Variants in CACNA2D3 observed in about 807,000 individuals in gnomAD.
The protein encoded by CACNA2D3 is voltage-dependent calcium channel subunit alpha-2/delta-3.
A neutral mutation model predicts 160.6 loss-of-function variants in CACNA2D3; 60 were observed. That is an observed-to-expected ratio of 0.37 (90% confidence interval 0.30 to 0.46). The LOEUF (loss-of-function observed/expected upper bound fraction) is 0.46. Among genes scored for constraint, CACNA2D3 ranks in the 20% least tolerant of loss-of-function variants. CACNA2D3 has a pLI of 1.00. For synonymous variants in CACNA2D3, 558 were observed against 492.9 expected, an observed-to-expected ratio of 1.13 and a Z score of -1.75; for missense variants, 1,205 against 1,365.0, an observed-to-expected ratio of 0.88 and a Z score of 1.85.
chr3:54,914,020 G>T (rs1700611462), intron 27 of CACNA2D3, among the ~76,000 whole-genome samples: 1 of 152,164 alleles, frequency 6.6e-6, no homozygotes. Context: ...TAATGTCATA[G>T]TTTTGATATT....
chr3:54,405,042 C>T (rs1197834891), intron 4 of CACNA2D3, among the ~76,000 whole-genome samples: 2 of 151,676 alleles, frequency 1.3e-5, no homozygotes, highest in Non-Finnish European at 2.9e-5. Context: ...ATTTCATGCT[C>T]ATGAATTGGA....
chr3:54,583,440 C>A (rs939240816), intron 9 of CACNA2D3, among the ~76,000 whole-genome samples: 16 of 152,136 alleles, frequency 1.1e-4, no homozygotes, highest in Admixed American at 1.0e-3. Flanking sequence ...TATGGAGTAA[C>A]CATATTCCAA....
intron 4 of CACNA2D3, among the ~76,000 whole-genome samples, chr3:54,419,341 A>G (rs1406469590): frequency 1.3e-5 from 2 of 152,234 alleles, no homozygotes. Context: ...GACCTGGAAC[A>G]GTTTCCCTGT....
chr3:54,757,326 A>G (rs537662528), intron 12 of CACNA2D3, among the ~76,000 whole-genome samples: 2 of 152,284 alleles, frequency 1.3e-5, no homozygotes, highest in South Asian at 2.1e-4. Context: ...TCCATGGGCT[A>G]AAGGTCATTC....
chr3:54,552,129 T>C (rs1702168578), intron 5 of CACNA2D3, among the ~76,000 whole-genome samples: 1 of 152,140 alleles, frequency 6.6e-6, no homozygotes, highest in South Asian at 2.1e-4. Context: ...CAAATGCTGA[T>C]AGTGATGCAG....
intron 4 of CACNA2D3, among the ~76,000 whole-genome samples, chr3:54,406,392 C>T (rs1300404040): frequency 6.6e-6 from 1 of 151,952 alleles, no homozygotes; most frequent in Admixed American, 6.6e-5. Flanking sequence ...ATATATATTT[C>T]AGATTGAAGA....
At chr3:54,336,316 C>T (rs1704377213) in intron 3 of CACNA2D3, among the ~76,000 whole-genome samples, 1 of 152,094 alleles carries the variant, frequency 6.6e-6, no homozygotes, top group South Asian at 2.1e-4. Flanking sequence ...GGAGGGGCTT[C>T]AAGGCTCTGC....
At chr3:55,036,866 GCAGTAGTTC>G (rs1441234296) in intron 35 of CACNA2D3, among the ~76,000 whole-genome samples, 22 of 152,186 alleles carry the variant, frequency 1.4e-4, no homozygotes, top group Non-Finnish European at 2.4e-4. Flanking sequence ...AGAATATTTA[GCAGTAGTTC>G]CTAAACACAT....
intron 2 of CACNA2D3, among the ~76,000 whole-genome samples, chr3:54,316,152 T>G (rs1703856005): frequency 6.6e-6 from 1 of 152,134 alleles, no homozygotes; most frequent in Admixed American, 6.5e-5. Flanking sequence ...CTGTCATACG[T>G]TGTGACACTA....
chr3:54,157,705 C>T lies in CACNA2D3; in HGVS notation c.204+34111C>T, dbSNP rs146088380. On this transcript the variant is annotated intron_variant, in intron 2 of 37. Coordinates refer to ENST00000474759, the MANE Select transcript of CACNA2D3 (RefSeq NM_018398.3). Reference sequence around the variant, plus strand: ...ACTTGGGAGGCTGAGGCAGGAGGATCGCTTGAACCCGGGAGGCGGGGGTTG... The same window carrying T: ...ACTTGGGAGGCTGAGGCAGGAGGATTGCTTGAACCCGGGAGGCGGGGGTTG... 7.5e-3 allele frequency among the ~76,000 whole-genome samples: 1,140 copies of T among 152,082 alleles called. 13 individuals carry two copies. Among genetic ancestry groups the T allele is most frequent in the South Asian group, 0.015 (72 of 4,798 alleles).
chr3:55,073,567 T>G lies in CACNA2D3; in HGVS notation c.3100+10T>G. 1 of 1,600,688 alleles carries G rather than the reference T, an allele frequency of 6.2e-7. No individual in the cohort carries two copies. On this transcript the variant is annotated intron_variant, in intron 36 of 37. Transcript: ENST00000474759. ...CCCATTGAAATCAGGTATATCCTTT[T>G]GTGTGCAGGTCCACTCACTACCACG... is the stretch of plus-strand genomic sequence containing the variant.
At chr3:54,160,654 A>G (rs1406856481) in intron 2 of CACNA2D3, among the ~76,000 whole-genome samples, 2 of 152,168 alleles carry the variant, frequency 1.3e-5, no homozygotes, top group South Asian at 2.1e-4. Context: ...GCATTGTCAT[A>G]TATGTTTTTA....
chr3:54,825,935 C>T (rs150949089), intron 14 of CACNA2D3, among the ~76,000 whole-genome samples: 2 of 151,994 alleles, frequency 1.3e-5, no homozygotes, highest in African/African-American at 2.4e-5. Flanking sequence ...TGATGAGTTA[C>T]TCAAGAGAAA....
At position 54,891,404 on chromosome 3, in the gene CACNA2D3, C is replaced by T. The variant is rs776819421; in HGVS notation, c.2200C>T (p.Leu734Phe). The change falls in exon 25 of 38, where the codon CTC becomes TTC. Residue 734 changes from leucine to phenylalanine, a missense_variant. Leu to Phe is a conservative substitution (Grantham distance 22). Around this residue, in one of 3 missense-constraint regions of CACNA2D3, gnomAD observed 911 missense variants for 1,002.2 expected, o/e 0.91. Coordinates refer to ENST00000474759, the MANE Select transcript of CACNA2D3 (RefSeq NM_018398.3). The part of the protein sequence containing the change: ...EVAFLGTRTG[L>F]SRINLFVGAE... ...TGCCTTCCTCGGCACTCGCACGGGC[C>T]TCTCCAGAATCAACCTGTTTGTCGG... 1.9e-6 allele frequency: 3 copies of T among 1,613,940 alleles called. No individual in the cohort carries two copies. Among genetic ancestry groups the T allele is most frequent in the Middle Eastern group, 1.6e-4 (1 of 6,062 alleles).
At chr3:54,841,428 G>A (rs1184705087) in intron 16 of CACNA2D3, among the ~76,000 whole-genome samples, 2 of 152,198 alleles carry the variant, frequency 1.3e-5, no homozygotes, top group Non-Finnish European at 2.9e-5. Context: ...AACCATTGAC[G>A]TAGATATGGC....
chr3:54,700,762 G>A (rs761812947), intron 11 of CACNA2D3, among the ~76,000 whole-genome samples: 1 of 152,204 alleles, frequency 6.6e-6, no homozygotes, highest in Admixed American at 6.5e-5. Flanking sequence ...TATGCAAAGT[G>A]CTTTCCAGGA....
chr3:54,746,929 T>C (rs929937590), intron 11 of CACNA2D3, among the ~76,000 whole-genome samples: 1 of 152,164 alleles, frequency 6.6e-6, no homozygotes, highest in Non-Finnish European at 1.5e-5. Flanking sequence ...CAAGTCTGGC[T>C]GATGTCTCAT....
chr3:54,576,230 G>C (rs1389215400), intron 8 of CACNA2D3, among the ~76,000 whole-genome samples: 1 of 152,276 alleles, frequency 6.6e-6, no homozygotes, highest in East Asian at 1.9e-4. Flanking sequence ...TCTGACATTA[G>C]GTGGGTTCCT....
intron 4 of CACNA2D3, among the ~76,000 whole-genome samples, chr3:54,464,609 T>C (rs953935189): frequency 6.6e-6 from 1 of 152,110 alleles, no homozygotes; most frequent in African/African-American, 2.4e-5. Context: ...TGGTGTGCCG[T>C]TTTTTAAGCC....
Sources: allele counts gnomAD v4.1 joint callset (sites outside exome capture counted in the v4.1 genomes callset), GRCh38; gene constraint gnomAD v4.1.1; regional missense constraint gnomAD v4.1.1; transcripts MANE v1.5; gene names NCBI Gene and HGNC (gene_info 2026-07-23, HGNC 2026-07-21).